ESR2: variants seen among roughly 807,000 people sequenced by gnomAD.
ESR2 encodes estrogen receptor beta.
Under a neutral mutation model 49.6 loss-of-function variants are expected in ESR2, and 36 were observed. The observed-to-expected ratio is 0.73, with a 90% CI of 0.56 to 0.96. The LOEUF (loss-of-function observed/expected upper bound fraction) is 0.96. Ranked by LOEUF, ESR2 falls within the 40% of genes least tolerant of loss-of-function variation. The pLI is 0.00. For synonymous variants in ESR2, 320 were observed against 266.1 expected, an observed-to-expected ratio of 1.20 and a Z score of -1.97; for missense variants, 714 against 693.0, an observed-to-expected ratio of 1.03 and a Z score of -0.34.
At chr14:64,238,572 CT>C (rs2075655625) in intron 7 of ESR2, among the ~76,000 whole-genome samples, 1 of 152,106 alleles carries the variant, frequency 6.6e-6, no homozygotes, top group Non-Finnish European at 1.5e-5. Context: ...CTACAGAGTA[CT>C]TGCTAAGTGG....
Position 64,249,664 on chromosome 14 carries a change from G to C in ESR2, c.1107C>G (p.Cys369Trp), listed in dbSNP as rs80118085. 69 of 1,612,960 alleles carry C rather than the reference G, an allele frequency of 4.3e-5. No individual in the cohort carries two copies. The highest frequency in any genetic ancestry group is 5.5e-5 in the Non-Finnish European group (65 of 1,179,550). The change falls in exon 7 of 9, where the codon TGC becomes TGG. Residue 369 changes from cysteine to tryptophan, a missense_variant. Coordinates refer to ENST00000341099, the MANE Select transcript of ESR2 (RefSeq NM_001437.3). ...CAAAGATTTCCAGAATTCCTTCTACGCATTTCCCCTCATCCCTACAAAAGT... is the reference window on the plus strand; with the variant it reads ...CAAAGATTTCCAGAATTCCTTCTACCCATTTCCCCTCATCCCTACAAAAGT... ...DLVLDRDEGKCVEGILEIFDM... is the reference protein window; with the variant it reads ...DLVLDRDEGKWVEGILEIFDM...
At chr14:64,277,493 C>G (rs1054525352) in intron 3 of ESR2, among the ~76,000 whole-genome samples, 2 of 151,722 alleles carry the variant, frequency 1.3e-5, no homozygotes, top group Non-Finnish European at 2.9e-5. Context: ...GGTGTGGTGG[C>G]CAGCTCCTGT....
intron 1 of ESR2, among the ~76,000 whole-genome samples, chr14:64,308,780 A>C (rs61984421): frequency 5.3e-4 from 80 of 151,624 alleles, no homozygotes; most frequent in Non-Finnish European, 9.1e-4. Context: ...AACAGATGTA[A>C]ATTTATTTAT....
chr14:64,316,676 G>A (rs1294801246), intron 1 of ESR2, among the ~76,000 whole-genome samples: 1 of 151,996 alleles, frequency 6.6e-6, no homozygotes, highest in African/African-American at 2.4e-5. Context: ...AGGCATGGTG[G>A]CACGCACCTG....
At position 64,320,606 on chromosome 14, in the gene ESR2, T is replaced by C. The variant is rs1290602574; in HGVS notation, c.-91+17292A>G. Among the ~76,000 whole-genome samples, 3 of 152,154 alleles carry C rather than the reference T, an allele frequency of 2.0e-5. No individual in the cohort carries two copies. The East Asian group carries it at 5.8e-4, about 29-fold the overall frequency. On this transcript the variant is annotated intron_variant, in intron 1 of 8. Coordinates refer to the ESR2 transcript ENST00000358599. ...CCCCGGACTTTAGTTAATAATAATGTATCAGGCTGGGCGCAGTGACTCATG... is the reference window on the plus strand; with the variant it reads ...CCCCGGACTTTAGTTAATAATAATGCATCAGGCTGGGCGCAGTGACTCATG...
intron 7 of ESR2, 60 bp downstream of exon 7, chr14:64,249,486 C>G: frequency 2.6e-6 from 4 of 1,558,590 alleles, no homozygotes; most frequent in Non-Finnish European, 3.5e-6. Flanking sequence ...TAATATCACG[C>G]TAGTTGTAGA....
At chr14:64,319,709 A>G (rs1422894820) in intron 1 of ESR2, among the ~76,000 whole-genome samples, 4 of 152,232 alleles carry the variant, frequency 2.6e-5, no homozygotes, top group Non-Finnish European at 4.4e-5. Flanking sequence ...GGGAACTGCA[A>G]TTAAAACAAT....
chr14:64,332,110 C>G (rs1368593609), intron 1 of ESR2: 1 of 152,210 alleles, frequency 6.6e-6, no homozygotes, highest in Non-Finnish European at 1.5e-5. Flanking sequence ...ATACATCCAG[C>G]TATGGCTATG....
At chr14:64,291,830 G>A (rs2076875355) in intron 1 of ESR2, among the ~76,000 whole-genome samples, 1 of 151,710 alleles carries the variant, frequency 6.6e-6, no homozygotes, top group East Asian at 1.9e-4. Context: ...TCCCTGTTTT[G>A]CTTCTCACTA....
intron 1 of ESR2, chr14:64,331,019 G>A (rs2077451158): frequency 6.6e-6 from 1 of 151,564 alleles, no homozygotes; most frequent in African/African-American, 2.4e-5. Context: ...GTAGCAGTAT[G>A]GTGGACTTAA....
chr14:64,289,387 C>T (rs1266897358), intron 1 of ESR2, among the ~76,000 whole-genome samples: 3 of 152,098 alleles, frequency 2.0e-5, no homozygotes, highest in East Asian at 3.9e-4. Flanking sequence ...TGGCACATGC[C>T]TGTAATCCCA....
upstream of ESR2, among the ~76,000 whole-genome samples, chr14:64,298,019 CT>C (rs535459720): frequency 2.1e-3 from 323 of 152,144 alleles, 1 homozygote; most frequent in African/African-American, 7.4e-3. Context: ...GCAATAACAC[CT>C]TTTTTTGGTG....
intron 1 of ESR2, among the ~76,000 whole-genome samples, chr14:64,288,860 C>A (rs1201887024): frequency 6.6e-6 from 1 of 151,380 alleles, no homozygotes; most frequent in African/African-American, 2.4e-5. Context: ...GCAGCGCTTG[C>A]CTGTAAACCC....
At chr14:64,313,728 A>T (rs1306089448) in intron 1 of ESR2, among the ~76,000 whole-genome samples, 7 of 151,646 alleles carry the variant, frequency 4.6e-5, no homozygotes, top group African/African-American at 1.5e-4. Flanking sequence ...ATACAAAAAA[A>T]ATTAGCCAGG....
At chr14:64,228,092 TG>T, downstream of ESR2, 1 of 1,342,462 alleles carries the variant, frequency 7.4e-7, no homozygotes, top group East Asian at 2.9e-5. Context: ...TGACTAAAGA[TG>T]AAATTGTTCT....
chr14:64,260,730 C>T lies in ESR2; in HGVS notation c.671G>A (p.Cys224Tyr). 6 of 1,505,454 alleles carry T rather than the reference C, an allele frequency of 4.0e-6. No homozygotes were observed. Among genetic ancestry groups the T allele is most frequent in the Non-Finnish European group, 4.4e-6 (5 of 1,124,616 alleles). 93.3% of individuals were successfully genotyped at this position (1,505,454 alleles called of 1,614,324 possible). A position where few individuals can be genotyped will look rare whatever the true frequency, so the allele number is the denominator to read the frequency against. ...CTGTCTCCGCACAAGGCGGTACCCA[C>T]ATCTCTCTCTCCGGGAGCCTGAAGA... Reference protein sequence around the residue: ...MVKCGSRRERCGYRLVRRQRS... With the variant: ...MVKCGSRRERYGYRLVRRQRS... Residue 224 changes from cysteine (C) to tyrosine (Y), a missense_variant, in exon 5 of 9, where the codon TGT becomes TAT. Cys to Tyr is a radical substitution (Grantham distance 194). Coordinates refer to ENST00000341099, the MANE Select transcript of ESR2 (RefSeq NM_001437.3).
intron 1 of ESR2, among the ~76,000 whole-genome samples, chr14:64,287,281 G>A (rs1434581952): frequency 6.6e-6 from 1 of 152,130 alleles, no homozygotes; most frequent in Non-Finnish European, 1.5e-5. Flanking sequence ...GTACCCAGCA[G>A]TGGTGAAACC....
chr14:64,335,973 T>TTGTGTGTGTGTG (rs55721717), intron 1 of ESR2: 5 of 125,692 alleles, frequency 4.0e-5, no homozygotes, highest in East Asian at 2.4e-4. Context: ...CCCAGCTAAT[T>TTGTGTGTGTGTG]TGTGTGTGTG....
At chr14:64,308,556 A>G (rs1043436448) in intron 1 of ESR2, among the ~76,000 whole-genome samples, 2 of 152,142 alleles carry the variant, frequency 1.3e-5, no homozygotes, top group Non-Finnish European at 2.9e-5. Flanking sequence ...ATATTTTATG[A>G]CAGAAATAAT....
Sources: gnomAD v4.1 joint callset for allele counts (sites outside exome capture counted in the v4.1 genomes callset) on GRCh38, gnomAD v4.1.1 for gene constraint, MANE v1.5 for transcripts, NCBI Gene and HGNC (gene_info 2026-07-23, HGNC 2026-07-21) for gene names.